The following PRH1 variants were observed in gnomAD, a reference collection of about 807,000 sequenced individuals.
PRH1 encodes the protein proline rich protein HaeIII subfamily 1, also known as salivary acidic proline-rich phosphoprotein 1/2.
A neutral mutation model predicts 7.9 loss-of-function variants in PRH1; 7 were observed. The ratio of observed to expected loss-of-function variants is 0.89; its 90% CI spans 0.50 to 1.67. PRH1 has a LOEUF of 1.67. Ranked by LOEUF, PRH1 falls within the 40% of genes most tolerant of loss-of-function variation. The pLI is 0.00. For missense variants in PRH1, 109 were observed against 223.6 expected, an observed-to-expected ratio of 0.49 and a Z score of 3.27; for synonymous variants, 45 against 80.8, an observed-to-expected ratio of 0.56 and a Z score of 2.38.
chr12:10,887,228 G>T (rs973862809), upstream of PRH1, among the ~76,000 whole-genome samples: 1 of 152,168 alleles, frequency 6.6e-6, no homozygotes, highest in African/African-American at 2.4e-5. Flanking sequence ...CAGGAAAGAT[G>T]AACATTGACA....
chr12:10,895,216 G>T (rs1447526473), intron 2 of PRH1: 1 of 152,148 alleles, frequency 6.6e-6, no homozygotes, highest in African/African-American at 2.4e-5. Flanking sequence ...CTTCTGTGCT[G>T]GGATCCCTGG....
At position 11,142,941 on chromosome 12, in the gene PRH1, T is replaced by C. The variant is rs999045481; in HGVS notation, n.40-21761A>G. ...AACACCAGATCTGTCCTATAAGAAA[T>C]GTTAAAGGGATTACTTCAATCAGAA... is the stretch of plus-strand genomic sequence containing the variant. On this transcript the variant is annotated intron_variant and non_coding_transcript_variant, in intron 1 of 1. Coordinates refer to the PRH1 transcript ENST00000541175. Among the ~76,000 whole-genome samples the C allele has an allele frequency of 7.9e-5, 12 of 152,138 alleles. No homozygotes were observed. In the South Asian group the frequency reaches 1.5e-3, roughly 18 times the overall value.
At chr12:11,014,302 T>C (rs1300597364) in intron 1 of PRH1, among the ~76,000 whole-genome samples, 3 of 152,142 alleles carry the variant, frequency 2.0e-5, no homozygotes, top group African/African-American at 4.8e-5. Flanking sequence ...GATTGAGAAG[T>C]AGTGCCCAGT....
chr12:10,911,261 G>A (rs973227938), intron 2 of PRH1, among the ~76,000 whole-genome samples: 2 of 152,050 alleles, frequency 1.3e-5, no homozygotes, highest in East Asian at 1.9e-4. Context: ...GTACTTGCTG[G>A]TATATGAAAA....
chr12:10,988,460 G>A (rs2135987718), intron 1 of PRH1, among the ~76,000 whole-genome samples: 1 of 152,200 alleles, frequency 6.6e-6, no homozygotes, highest in African/African-American at 2.4e-5. Context: ...ATATGTTGCA[G>A]CTAAAATAAA....
chr12:11,122,350 C>A, intron 1 of PRH1, among the ~76,000 whole-genome samples: 1 of 137,744 alleles, frequency 7.3e-6, no homozygotes, highest in Middle Eastern at 3.7e-3. Context: ...CCAATCACCA[C>A]AGCCATCCAT....
intron 1 of PRH1, among the ~76,000 whole-genome samples, chr12:11,136,902 C>G (rs368658239): frequency 2.0e-5 from 3 of 151,892 alleles, no homozygotes; most frequent in African/African-American, 7.3e-5. Context: ...CTCACAAGTT[C>G]TTTAAAAAGG....
intron 2 of PRH1, among the ~76,000 whole-genome samples, chr12:10,941,137 G>T (rs376419652): frequency 3.9e-5 from 6 of 152,138 alleles, no homozygotes; most frequent in East Asian, 1.9e-4. Context: ...CATGGTGGGT[G>T]GGGGGTTGTG....
intron 1 of PRH1, among the ~76,000 whole-genome samples, chr12:11,024,925 A>G (rs901087174): frequency 3.3e-5 from 5 of 152,108 alleles, no homozygotes; most frequent in African/African-American, 9.7e-5. Flanking sequence ...CTATTTGCAT[A>G]TATCTTATCA....
chr12:11,157,769 C>T (rs1355995212), intron 1 of PRH1, among the ~76,000 whole-genome samples: 1 of 152,056 alleles, frequency 6.6e-6, no homozygotes, highest in Non-Finnish European at 1.5e-5. Context: ...CCAAATCGTG[C>T]ATGTAAACAT....
rs1941545453 is a variant in PRH1 at position 11,020,363 on chromosome 12, G to GATATATCTATATATAT, written c.-126+26656_-126+26657insATATATATAGATATAT. Among the ~76,000 whole-genome samples, 132 of 87,572 alleles carry GATATATCTATATATAT rather than the reference G, an allele frequency of 1.5e-3. 1 individual carries two copies. In the Middle Eastern group the frequency reaches 0.026, roughly 17 times the overall value. The allele number at this position is 87,572 out of a possible 152,430, so 57.5% of individuals were successfully genotyped here. A position where few individuals can be genotyped will look rare whatever the true frequency, so the allele number is the denominator to read the frequency against. On this transcript the variant is annotated intron_variant, in intron 1 of 3. Transcript: ENST00000539853. The stretch of plus-strand genomic sequence containing the variant: ...GTACTAGGGAGGACGTATGATAAGC[G>GATATATCTATATATAT]ATATATATATATATATATATATATA...
intron 1 of PRH1, among the ~76,000 whole-genome samples, chr12:11,087,102 G>GTTTT (rs376472781): frequency 2.3e-5 from 2 of 86,828 alleles, no homozygotes; most frequent in Non-Finnish European, 2.8e-5. Flanking sequence ...AGTTAAACTT[G>GTTTT]TTTTTTTTTT....
chr12:11,159,871 AT>A (rs1947361577), intron 1 of PRH1, among the ~76,000 whole-genome samples: 1 of 152,214 alleles, frequency 6.6e-6, no homozygotes, highest in Admixed American at 6.5e-5. Flanking sequence ...TGTTCTATTT[AT>A]ATTGTAACTC....
intron 2 of PRH1, among the ~76,000 whole-genome samples, chr12:10,936,745 C>T: frequency 6.6e-6 from 1 of 152,104 alleles, no homozygotes; most frequent in Non-Finnish European, 1.5e-5. Flanking sequence ...AGACACCAGT[C>T]CTATTGTACT....
At position 11,074,042 on chromosome 12, in the gene PRH1, G is replaced by A. The variant is rs536968335; in HGVS notation, n.124-26854C>T. 7.0e-5 allele frequency among the ~76,000 whole-genome samples: 9 copies of A among 127,692 alleles called. 1 individual carries two copies. In the South Asian group the frequency reaches 2.0e-3, roughly 28 times the overall value. The allele number at this position is 127,692 out of a possible 152,430, so 83.8% of individuals were successfully genotyped here. A position where few individuals can be genotyped will look rare whatever the true frequency, so the allele number is the denominator to read the frequency against. ...GCACATCTGAGTGGCACAAGGAGGG[G>A]ACTATATTGGACACAAACATGTGCT... On this transcript the variant is annotated intron_variant and non_coding_transcript_variant, in intron 1 of 4. Coordinates refer to the PRH1 transcript ENST00000541977.
chr12:11,041,442 A>G (rs1430606578), intron 1 of PRH1, among the ~76,000 whole-genome samples: 3 of 152,192 alleles, frequency 2.0e-5, no homozygotes, highest in Non-Finnish European at 2.9e-5. Flanking sequence ...AATTGTAAAT[A>G]TATGTGCACT....
At chr12:10,958,167 C>T (rs1308190640) in intron 2 of PRH1, among the ~76,000 whole-genome samples, 1 of 152,062 alleles carries the variant, frequency 6.6e-6, no homozygotes, top group Non-Finnish European at 1.5e-5. Flanking sequence ...AACCTAACTG[C>T]CCATAAATAG....
intron 2 of PRH1, among the ~76,000 whole-genome samples, chr12:10,919,890 A>T (rs1041760789): frequency 1.4e-5 from 2 of 140,398 alleles, no homozygotes; most frequent in Non-Finnish European, 3.1e-5. Flanking sequence ...AAAAAATATT[A>T]AAAAAATTTT....
At chr12:10,884,265 G>A (rs376519474), upstream of PRH1, 9 of 1,611,418 alleles carry the variant, frequency 5.6e-6, no homozygotes, top group African/African-American at 1.3e-5. Flanking sequence ...TGGGAGAAAC[G>A]TGTCAGCTCC....
Sources: gnomAD v4.1 joint callset for allele counts (sites outside exome capture counted in the v4.1 genomes callset) on GRCh38, gnomAD v4.1.1 for gene constraint, MANE v1.5 for transcripts, NCBI Gene and HGNC (gene_info 2026-07-23, HGNC 2026-07-21) for gene names.